STK33: variants seen among roughly 807,000 people sequenced by gnomAD.
The protein encoded by STK33 is serine/threonine kinase 33, also known as serine/threonine-protein kinase 33.
In STK33, 52 loss-of-function variants were observed where a neutral mutation model predicts 58.0. The observed-to-expected ratio is 0.90, with a 90% CI of 0.72 to 1.13. The LOEUF (loss-of-function observed/expected upper bound fraction) is 1.13, where lower values mean the gene tolerates loss of function less well. Among genes scored for constraint, STK33 ranks in the 50% most tolerant of loss-of-function variants. The pLI, the probability that STK33 is intolerant of heterozygous loss-of-function variation, is 0.00. For synonymous variants in STK33, 215 were observed against 200.1 expected (o/e 1.07, Z -0.63); for missense variants, 630 against 604.2 (o/e 1.04, Z -0.45).
intron 1 of STK33, among the ~76,000 whole-genome samples, chr11:8,574,089 C>T (rs1255411711): frequency 6.6e-6 from 1 of 152,136 alleles, no homozygotes; most frequent in African/African-American, 2.4e-5. Flanking sequence ...CCCTCAGTGG[C>T]CCCTCTCCCT....
chr11:8,392,471 G>T lies in STK33; in HGVS notation c.*39C>A. 6.2e-7 allele frequency: 1 copy of T among 1,609,466 alleles called. No homozygotes were observed. The highest frequency in any genetic ancestry group is 8.5e-7 in the Non-Finnish European group (1 of 1,177,140). ...CCCCCTCATCAAAGTGCTAACAAGAGCAGCTTTGTTTTTGTACTGTCCAAC... is the reference window on the plus strand; with the variant it reads ...CCCCCTCATCAAAGTGCTAACAAGATCAGCTTTGTTTTTGTACTGTCCAAC... On this transcript the variant is annotated 3_prime_UTR_variant, in exon 16 of 16. Coordinates refer to ENST00000687296, the MANE Select transcript of STK33 (RefSeq NM_001352389.2).
chr11:8,407,548 T>C (rs1939462961), intron 15 of STK33, among the ~76,000 whole-genome samples: 1 of 152,156 alleles, frequency 6.6e-6, no homozygotes, highest in Non-Finnish European at 1.5e-5. Flanking sequence ...TCTATTTTTG[T>C]GTAACTGTTT....
At chr11:8,578,960 G>C (rs1038669141) in intron 1 of STK33, among the ~76,000 whole-genome samples, 8 of 151,656 alleles carry the variant, frequency 5.3e-5, no homozygotes, top group Admixed American at 4.6e-4. Flanking sequence ...AAAACAATCA[G>C]GTATATAAAA....
intron 12 of STK33, among the ~76,000 whole-genome samples, chr11:8,439,544 G>C (rs1944454724): frequency 6.6e-6 from 1 of 151,958 alleles, no homozygotes; most frequent in African/African-American, 2.4e-5. Context: ...AGTAGGAGTA[G>C]AGAAATAGAA....
At chr11:8,545,200 A>C (rs565403084) in intron 1 of STK33, among the ~76,000 whole-genome samples, 1 of 152,314 alleles carries the variant, frequency 6.6e-6, no homozygotes, top group South Asian at 2.1e-4. Flanking sequence ...GAAAACTCAA[A>C]ACAATCAAAA....
chr11:8,387,466 C>T (rs1848559699), downstream of STK33, among the ~76,000 whole-genome samples: 1 of 152,208 alleles, frequency 6.6e-6, no homozygotes, highest in African/African-American at 2.4e-5. Flanking sequence ...TGCCTTAATT[C>T]ATTTCTCTGT....
At chr11:8,567,488 CAA>C (rs1957529421) in intron 1 of STK33, among the ~76,000 whole-genome samples, 2 of 152,084 alleles carry the variant, frequency 1.3e-5, no homozygotes, top group Non-Finnish European at 2.9e-5. Context: ...TAAAGAAAAA[CAA>C]AAGAGTCTTT....
chr11:8,506,978 A>G (rs955731122), intron 1 of STK33, among the ~76,000 whole-genome samples: 3 of 152,132 alleles, frequency 2.0e-5, no homozygotes, highest in Admixed American at 6.5e-5. Context: ...CAGATTTCCA[A>G]TTCTGATCAT....
intron 14 of STK33, among the ~76,000 whole-genome samples, chr11:8,414,528 G>A (rs547441279): frequency 6.6e-6 from 1 of 152,254 alleles, no homozygotes; most frequent in South Asian, 2.1e-4. Flanking sequence ...GTATATGGAT[G>A]TATTGAAATG....
intron 1 of STK33, among the ~76,000 whole-genome samples, chr11:8,557,248 G>GGGGAA (rs1554999693): frequency 2.4e-5 from 1 of 41,230 alleles, no homozygotes; most frequent in Non-Finnish European, 5.0e-5. Flanking sequence ...GGGACCTTGT[G>GGGGAA]GGGAAGGGAA....
At chr11:8,593,422 A>AACG (rs1260996765) in intron 1 of STK33, among the ~76,000 whole-genome samples, 3 of 152,320 alleles carry the variant, frequency 2.0e-5, no homozygotes, top group African/African-American at 7.2e-5. Flanking sequence ...ATCCCTTACT[A>AACG]ACGCTCAAGT....
chr11:8,337,464 G>A, the STK33 span, among the ~76,000 whole-genome samples: 6 of 151,994 alleles, frequency 3.9e-5, no homozygotes, highest in Admixed American at 6.5e-5. Context: ...GGGCTTCTGC[G>A]CCCTCCTCAC....
intron 14 of STK33, among the ~76,000 whole-genome samples, chr11:8,426,396 G>A (rs1942762984): frequency 6.6e-6 from 1 of 152,316 alleles, no homozygotes; most frequent in African/African-American, 2.4e-5. Flanking sequence ...ACAGGCCCAG[G>A]ATGGGGGCAT....
chr11:8,525,380 T>A (rs10840069), intron 1 of STK33, among the ~76,000 whole-genome samples: 8,640 of 152,272 alleles, frequency 0.057, 439 homozygotes, highest in African/African-American at 0.14. Context: ...TATTAGCACA[T>A]ATAGTATTGG....
In STK33 at chr11:8,413,546, C is replaced by A. The variant is rs143683529; in HGVS notation, c.1293G>T (p.Trp431Cys). ...TEEKLKSYQPWGNVPDANYTS... is the reference protein window; with the variant it reads ...TEEKLKSYQPCGNVPDANYTS... ...TGTAATTGGCATCAGGGACATTTCC[C>A]CAGGGTTGGTAACTTTTCAACTTTT... Residue 431 changes from tryptophan (W) to cysteine (C), a missense_variant, in exon 15 of 16, where the codon TGG becomes TGT. Trp to Cys is a radical substitution (Grantham distance 215). Transcript: ENST00000687296. 5.0e-5 allele frequency: 81 copies of A among 1,614,024 alleles called. 1 individual carries two copies. The East Asian group carries it at 1.8e-3, about 36-fold the overall frequency.
At chr11:8,464,585 G>A (rs1947943822) in intron 7 of STK33, 124 bp downstream of exon 7, 1 of 524,134 alleles carries the variant, frequency 1.9e-6, no homozygotes, top group Non-Finnish European at 3.3e-6. Context: ...CTTCTCTGGG[G>A]GATCAGCCCA....
the STK33 span, among the ~76,000 whole-genome samples, chr11:8,376,034 A>T: frequency 6.6e-6 from 1 of 152,186 alleles, no homozygotes; most frequent in South Asian, 2.1e-4. Context: ...TTCCAGACAT[A>T]CAACAGGGCA....
At chr11:8,471,142 C>T (rs1948737902) in intron 6 of STK33, among the ~76,000 whole-genome samples, 1 of 152,132 alleles carries the variant, frequency 6.6e-6, no homozygotes, top group Non-Finnish European at 1.5e-5. Flanking sequence ...TTCTCATTTA[C>T]AAAATAATCT....
Position 8,541,806 on chromosome 11 carries a change from AGTCT to A in STK33, c.-466+52273_-466+52276del, listed in dbSNP as rs532795144. 2.3e-4 allele frequency among the ~76,000 whole-genome samples: 35 copies of A among 152,296 alleles called. 2 individuals carry two copies. In the South Asian group the frequency reaches 6.8e-3, roughly 30 times the overall value. ...AAAAATTAAGGTCACAGTGTTAGAG[AGTCT>A]AATGGAGTATGGATTTCTGCTTGAA... On this transcript the variant is annotated intron_variant, in intron 1 of 15. Coordinates refer to ENST00000687296, the MANE Select transcript of STK33 (RefSeq NM_001352389.2).
Sources: allele counts gnomAD v4.1 joint callset (sites outside exome capture counted in the v4.1 genomes callset), GRCh38; gene constraint gnomAD v4.1.1; transcripts MANE v1.5; gene names NCBI Gene and HGNC (gene_info 2026-07-23, HGNC 2026-07-21).